FIRRM: variants seen among roughly 807,000 people sequenced by gnomAD.
FIRRM encodes FIGNL1-interacting regulator of recombination and mitosis.
At chr1:169,842,379 T>C in the FIRRM span, 7 of 1,596,474 alleles carry the variant, frequency 4.4e-6, no homozygotes, top group South Asian at 8.0e-5. Flanking sequence ...TTTAGACTGG[T>C]GTTTAAACTC....
At chr1:169,849,681 C>T in the FIRRM span, 1 of 1,167,662 alleles carries the variant, frequency 8.6e-7, no homozygotes, top group Non-Finnish European at 1.3e-6. Context: ...AATCCCAAAA[C>T]ATTTATTGAA....
the FIRRM span, among the ~76,000 whole-genome samples, chr1:169,834,757 A>G: frequency 1.3e-5 from 2 of 152,190 alleles, no homozygotes; most frequent in African/African-American, 2.4e-5. Flanking sequence ...CGGACAACAT[A>G]GCAAGACTGT....
the FIRRM span, among the ~76,000 whole-genome samples, chr1:169,817,738 T>TTTTAATCAGTATAAAA: frequency 7.9e-5 from 12 of 152,182 alleles, no homozygotes; most frequent in African/African-American, 2.9e-4. Context: ...ATCTATCTAA[T>TTTTAATCAGTATAAAA]TTTAATCAGT....
At chr1:169,836,053 AT>A in the FIRRM span, among the ~76,000 whole-genome samples, 36,876 of 141,850 alleles carry the variant, frequency 0.26, 4,666 homozygotes, top group Middle Eastern at 0.36. Context: ...GTCAGATTTA[AT>A]TTTTTTTTTT....
the FIRRM span, among the ~76,000 whole-genome samples, chr1:169,801,597 C>CAAAA: frequency 8.0e-6 from 1 of 124,430 alleles, no homozygotes; most frequent in Non-Finnish European, 1.7e-5. Context: ...ACCCTTAATT[C>CAAAA]AAAAAAAAAA....
At chr1:169,851,648 A>T in the FIRRM span, 1 of 751,734 alleles carries the variant, frequency 1.3e-6, no homozygotes, top group East Asian at 2.7e-5. Flanking sequence ...AGAACACAGT[A>T]GAGTGATTTA....
At chr1:169,842,462 G>A in the FIRRM span, 1 of 1,613,946 alleles carries the variant, frequency 6.2e-7, no homozygotes, top group Admixed American at 1.7e-5. Context: ...TTCTGCTGGT[G>A]AAGCTTTGGA....
chr1:169,829,623 A>T, the FIRRM span, among the ~76,000 whole-genome samples: 1 of 152,186 alleles, frequency 6.6e-6, no homozygotes, highest in Non-Finnish European at 1.5e-5. Flanking sequence ...TTTAGATCTA[A>T]TATTTGGCTA....
chr1:169,803,238 A>G, the FIRRM span: 4 of 1,614,026 alleles, frequency 2.5e-6, no homozygotes, highest in Non-Finnish European at 2.5e-6. Flanking sequence ...GGAATCCATC[A>G]TTTTGGAAAA....
the FIRRM span, among the ~76,000 whole-genome samples, chr1:169,837,571 A>T: frequency 1.3e-5 from 2 of 152,254 alleles, no homozygotes; most frequent in African/African-American, 2.4e-5. Context: ...TGAGATTTTT[A>T]AAAGTTGGCT....
chr1:169,827,965 G>T, the FIRRM span: 1 of 962,066 alleles, frequency 1.0e-6, no homozygotes. Context: ...AATAGTTATT[G>T]TGTAGACACA....
chr1:169,833,374 G>A, the FIRRM span, among the ~76,000 whole-genome samples: 4 of 152,062 alleles, frequency 2.6e-5, no homozygotes, highest in African/African-American at 9.7e-5. Context: ...TCTAAGCTTG[G>A]GAACCACTAG....
chr1:169,818,018 C>G, the FIRRM span, among the ~76,000 whole-genome samples: 2 of 152,062 alleles, frequency 1.3e-5, no homozygotes, highest in African/African-American at 4.8e-5. Context: ...CAGCGTTATC[C>G]TATTTAACTT....
At chr1:169,802,622 CTG>C in the FIRRM span, 10 of 1,599,560 alleles carry the variant, frequency 6.3e-6, no homozygotes, top group Non-Finnish European at 8.5e-6. Context: ...TTTTTACAGA[CTG>C]TGAAATTATT....
the FIRRM span, chr1:169,832,465 C>T: frequency 1.2e-6 from 2 of 1,613,648 alleles, no homozygotes; most frequent in African/African-American, 1.3e-5. Flanking sequence ...CCTATCAATA[C>T]TGTTGAAGCG....
the FIRRM span, among the ~76,000 whole-genome samples, chr1:169,833,846 CTTTTTTTTTTTT>C: frequency 4.2e-5 from 4 of 96,050 alleles, no homozygotes; most frequent in African/African-American, 8.5e-5. Flanking sequence ...AGTCACTTTC[CTTTTTTTTTTTT>C]TTTTTTTTTT....
the FIRRM span, among the ~76,000 whole-genome samples, chr1:169,787,068 T>A: frequency 2.0e-5 from 3 of 152,184 alleles, no homozygotes; most frequent in African/African-American, 7.2e-5. Flanking sequence ...TGCTGCAGTG[T>A]AGCCAGGACG....
chr1:169,840,809 C>T, the FIRRM span, among the ~76,000 whole-genome samples: 2 of 152,126 alleles, frequency 1.3e-5, no homozygotes, highest in Non-Finnish European at 2.9e-5. Flanking sequence ...TGCGCTCGGC[C>T]TTGTGTTCCT....
chr1:169,827,221 A>G, the FIRRM span: 1 of 1,594,382 alleles, frequency 6.3e-7, no homozygotes, highest in East Asian at 2.2e-5. Context: ...AATAGATTTA[A>G]TGATAAATCA....
Sources: allele counts gnomAD v4.1 joint callset (sites outside exome capture counted in the v4.1 genomes callset), GRCh38; gene constraint gnomAD v4.1.1; transcripts MANE v1.5; gene names NCBI Gene and HGNC (gene_info 2026-07-23, HGNC 2026-07-21).